ANP32A: variants seen among roughly 807,000 people sequenced by gnomAD.
The protein encoded by ANP32A is acidic leucine-rich nuclear phosphoprotein 32 family member A.
In ANP32A, 1 loss-of-function variant was observed where a neutral mutation model predicts 33.9. The ratio of observed to expected loss-of-function variants is 0.03; its 90% CI spans 0.01 to 0.14. The LOEUF (loss-of-function observed/expected upper bound fraction) is 0.14, where lower values mean the gene tolerates loss of function less well. ANP32A is among the 10% of genes least tolerant of loss of function. The pLI, the probability that ANP32A is intolerant of heterozygous loss-of-function variation, is 1.00. For missense variants in ANP32A, 155 were observed against 306.0 expected (o/e 0.51, Z 3.68); for synonymous variants, 115 against 120.5 (o/e 0.95, Z 0.30).
chr15:68,817,182 G>A (rs947875336), intron 1 of ANP32A, among the ~76,000 whole-genome samples: 1 of 152,218 alleles, frequency 6.6e-6, no homozygotes, highest in Non-Finnish European at 1.5e-5. Context: ...TGGCTCCTAA[G>A]TCAACATCCG....
intron 1 of ANP32A, among the ~76,000 whole-genome samples, chr15:68,815,750 C>A (rs950129384): frequency 7.9e-5 from 12 of 152,192 alleles, no homozygotes; most frequent in African/African-American, 2.9e-4. Flanking sequence ...AGTGCGAGAA[C>A]CCGGCTGTGC....
chr15:68,804,849 G>A (rs1451931995), intron 1 of ANP32A, among the ~76,000 whole-genome samples: 1 of 152,228 alleles, frequency 6.6e-6, no homozygotes, highest in Admixed American at 6.5e-5. Context: ...AAAACAGTGG[G>A]CATGAAATTA....
At chr15:68,784,156 C>T in intron 4 of ANP32A, 1 of 579,944 alleles carries the variant, frequency 1.7e-6, no homozygotes, top group Non-Finnish European at 3.1e-6. Context: ...GCATGGGACT[C>T]ATGCTTTGTT....
intron 1 of ANP32A, 82 bp downstream of exon 1, chr15:68,820,616 T>G: frequency 2.2e-6 from 1 of 444,578 alleles, no homozygotes; most frequent in Non-Finnish European, 3.1e-6. Flanking sequence ...CCAAAAAAAG[T>G]GCCTCCCCCC....
intron 1 of ANP32A, among the ~76,000 whole-genome samples, chr15:68,818,576 G>A (rs1471352616): frequency 3.3e-5 from 5 of 152,096 alleles, no homozygotes; most frequent in Non-Finnish European, 7.4e-5. Flanking sequence ...GGGGCGAAGC[G>A]TGAGAAATCG....
chr15:68,810,236 G>A (rs1894293964), intron 1 of ANP32A, among the ~76,000 whole-genome samples: 1 of 152,328 alleles, frequency 6.6e-6, no homozygotes, highest in East Asian at 1.9e-4. Context: ...AGGAACAATG[G>A]TGAATTTTAA....
intron 1 of ANP32A, among the ~76,000 whole-genome samples, chr15:68,807,429 G>C (rs1894247867): frequency 7.6e-6 from 1 of 131,506 alleles, no homozygotes; most frequent in African/African-American, 3.3e-5. Context: ...ACAGAAAACG[G>C]GGGGGGGGGA....
At chr15:68,793,335 G>GT (rs749077045) in intron 1 of ANP32A, among the ~76,000 whole-genome samples, 1 of 152,148 alleles carries the variant, frequency 6.6e-6, no homozygotes, top group African/African-American at 2.4e-5. Flanking sequence ...AACACCAGTG[G>GT]TTTTTTGGAG....
chr15:68,783,631 T>C (rs937662098), intron 4 of ANP32A, among the ~76,000 whole-genome samples: 4 of 152,316 alleles, frequency 2.6e-5, no homozygotes, highest in Middle Eastern at 3.4e-3. Flanking sequence ...GGCAAGTGTC[T>C]CCATTCTCAA....
intron 1 of ANP32A, among the ~76,000 whole-genome samples, chr15:68,813,690 G>C (rs1023823091): frequency 1.3e-5 from 2 of 152,098 alleles, no homozygotes; most frequent in Non-Finnish European, 2.9e-5. Flanking sequence ...TGCCTCTCTA[G>C]ACACCAGAGC....
At chr15:68,782,770 T>G in intron 5 of ANP32A, 186 bp downstream of exon 5, 1 of 1,093,598 alleles carries the variant, frequency 9.1e-7, no homozygotes, top group Non-Finnish European at 1.3e-6. Context: ...TCCCCAGAGC[T>G]TACTGCAAGT....
intron 1 of ANP32A, among the ~76,000 whole-genome samples, chr15:68,804,712 A>C (rs1028068373): frequency 2.0e-5 from 3 of 152,014 alleles, no homozygotes; most frequent in Admixed American, 6.5e-5. Flanking sequence ...ATGGGGTTTC[A>C]CCATGTTGGC....
At chr15:68,803,217 A>C (rs758343009) in intron 1 of ANP32A, among the ~76,000 whole-genome samples, 2 of 152,018 alleles carry the variant, frequency 1.3e-5, no homozygotes, top group African/African-American at 2.4e-5. Context: ...CCTTACCTAC[A>C]CCTCAGGGGT....
At position 68,780,483 on chromosome 15, in the gene ANP32A, A is replaced by G. The variant is rs1345735694; in HGVS notation, c.625-10T>C. 1 of 1,613,854 alleles carries G rather than the reference A, an allele frequency of 6.2e-7. No individual in the cohort carries two copies. The highest frequency in any genetic ancestry group is 1.3e-5 in the African/African-American group (1 of 74,932). The stretch of plus-strand genomic sequence containing the variant: ...AACCTTCTTCATCCTCCTAGGAGAA[A>G]GGACAGACACCAGAACATTAGAAAT... On this transcript the variant is annotated splice_polypyrimidine_tract_variant and intron_variant, in intron 5 of 6. Transcript: ENST00000465139. This position sits in a 1 kb window ranked among gnomAD's most constrained non-coding sequence, Gnocchi z 4.3.
At position 68,778,742 on chromosome 15, in the gene ANP32A, G is replaced by A. The variant is rs1417911795; in HGVS notation, c.*1339C>T. 2 of 152,150 alleles carry A rather than the reference G, an allele frequency of 1.3e-5. No individual in the cohort carries two copies. The highest frequency in any genetic ancestry group is 2.9e-5 in the Non-Finnish European group (2 of 68,004). 9.4% of individuals were successfully genotyped at this position (152,150 alleles called of 1,614,324 possible). On this transcript the variant is annotated 3_prime_UTR_variant, in exon 7 of 7. Coordinates refer to ENST00000465139, the MANE Select transcript of ANP32A (RefSeq NM_006305.4). ...GATACACCACTGAGTCTTGCTTTAA[G>A]ACCAAAAATATCCAAACATAGTATC...
chr15:68,784,130 C>G, intron 4 of ANP32A: 1 of 540,142 alleles, frequency 1.9e-6, no homozygotes, highest in Non-Finnish European at 3.3e-6. Context: ...TGGAGAATCT[C>G]AGGATATTTC....
chr15:68,814,584 A>G (rs1359464775), intron 1 of ANP32A, among the ~76,000 whole-genome samples: 2 of 152,138 alleles, frequency 1.3e-5, no homozygotes, highest in Non-Finnish European at 2.9e-5. Context: ...GGCTGCTGTT[A>G]TGGGGACTAG....
At position 68,779,953 on chromosome 15, in the gene ANP32A, T is replaced by G; in HGVS notation, c.*128A>C. 3 of 619,984 alleles carry G rather than the reference T, an allele frequency of 4.8e-6. No individual in the cohort carries two copies. The highest frequency in any genetic ancestry group is 7.7e-6 in the Non-Finnish European group (3 of 387,720). 38.4% of individuals were successfully genotyped at this position (619,984 alleles called of 1,614,324 possible). On this transcript the variant is annotated 3_prime_UTR_variant, in exon 7 of 7. Transcript: ENST00000465139. ...CCCCCAGTACACTCTTCCCCTCTCG[T>G]TCCCACAGCAACGTTACAATCAGAA...
chr15:68,812,199 G>A (rs1894322250), intron 1 of ANP32A, among the ~76,000 whole-genome samples: 1 of 152,230 alleles, frequency 6.6e-6, no homozygotes, highest in Non-Finnish European at 1.5e-5. Flanking sequence ...TGCCCTGAGA[G>A]GGGCGTGCCC....
Sources: allele counts gnomAD v4.1 joint callset (sites outside exome capture counted in the v4.1 genomes callset), GRCh38; gene constraint gnomAD v4.1.1; non-coding constraint Gnocchi (gnomAD v3.1); transcripts MANE v1.5; gene names NCBI Gene and HGNC (gene_info 2026-07-23, HGNC 2026-07-21).